Variants in FOXN2 observed in about 807,000 individuals in gnomAD.
The protein encoded by FOXN2 is forkhead box N2.
In FOXN2, 19 loss-of-function variants were observed where a neutral mutation model predicts 41.2. The ratio of observed to expected loss-of-function variants is 0.46; its 90% confidence interval spans 0.32 to 0.68. The LOEUF is 0.68. Among genes scored for constraint, FOXN2 ranks in the 30% least tolerant of loss-of-function variants. The probability of loss-of-function intolerance (pLI) is 0.03; values close to 1 mark genes in which losing one functional copy is unlikely to be tolerated. For synonymous variants in FOXN2, 195 were observed against 176.8 expected, an observed-to-expected ratio of 1.10 and a Z score of -0.82; for missense variants, 587 against 509.4, an observed-to-expected ratio of 1.15 and a Z score of -1.47.
chr2:48,342,544 TA>T (rs1189229336), intron 2 of FOXN2, among the ~76,000 whole-genome samples: 1 of 152,040 alleles, frequency 6.6e-6, no homozygotes, highest in African/African-American at 2.4e-5. Flanking sequence ...CAAAATTGTT[TA>T]TTTTATATTT....
At chr2:48,327,878 G>T (rs1669783207) in intron 1 of FOXN2, among the ~76,000 whole-genome samples, 1 of 151,980 alleles carries the variant, frequency 6.6e-6, no homozygotes, top group Non-Finnish European at 1.5e-5. Context: ...TTTTTGTTTT[G>T]TTTTTAGAAT....
chr2:48,355,377 GATAA>G (rs1261349495), intron 3 of FOXN2, among the ~76,000 whole-genome samples: 1 of 152,110 alleles, frequency 6.6e-6, no homozygotes, highest in Admixed American at 6.6e-5. Context: ...TTAAAAAAGG[GATAA>G]ATATAGAAAT....
intron 3 of FOXN2, among the ~76,000 whole-genome samples, chr2:48,353,313 C>A (rs1671571241): frequency 7.1e-6 from 1 of 140,548 alleles, no homozygotes; most frequent in Non-Finnish European, 1.6e-5. Flanking sequence ...TTTTGTTCCT[C>A]TATCTACACT....
At chr2:48,358,441 A>G (rs1044476970) in intron 3 of FOXN2, among the ~76,000 whole-genome samples, 5 of 152,326 alleles carry the variant, frequency 3.3e-5, no homozygotes, top group Admixed American at 6.5e-5. Flanking sequence ...GATTTGCCCA[A>G]TATCACATAG....
chr2:48,324,743 T>C (rs1427952736), intron 1 of FOXN2, among the ~76,000 whole-genome samples: 1 of 152,250 alleles, frequency 6.6e-6, no homozygotes, highest in East Asian at 1.9e-4. Flanking sequence ...TTAAGTATCT[T>C]ATAAAATAAC....
chr2:48,314,228 A>C (rs370366330), upstream of FOXN2, among the ~76,000 whole-genome samples: 1 of 152,236 alleles, frequency 6.6e-6, no homozygotes, highest in South Asian at 2.1e-4. Context: ...CGAGGGCCGT[A>C]CTGCCCTGCG....
intron 2 of FOXN2, among the ~76,000 whole-genome samples, chr2:48,330,104 G>C (rs1369742887): frequency 6.6e-6 from 1 of 151,940 alleles, no homozygotes; most frequent in East Asian, 1.9e-4. Flanking sequence ...AAATGAGGTA[G>C]TCTTCAGATT....
intron 3 of FOXN2, among the ~76,000 whole-genome samples, chr2:48,351,797 C>T (rs1328296279): frequency 6.6e-6 from 1 of 152,076 alleles, no homozygotes; most frequent in East Asian, 1.9e-4. Context: ...TACCGGTCTC[C>T]AGCTTGGGGG....
intron 1 of FOXN2, among the ~76,000 whole-genome samples, chr2:48,318,155 T>C (rs985276645): frequency 1.1e-4 from 17 of 152,214 alleles, no homozygotes; most frequent in Admixed American, 3.3e-4. Flanking sequence ...TTTCTCCTGT[T>C]CAATTTCCTA....
intron 5 of FOXN2, among the ~76,000 whole-genome samples, chr2:48,363,514 T>A (rs768992083): frequency 1.3e-5 from 2 of 152,192 alleles, no homozygotes; most frequent in African/African-American, 2.4e-5. Context: ...TACAGTAATA[T>A]CCTAGGCCTC....
At chr2:48,373,934 A>T (rs1163821391) in intron 6 of FOXN2, among the ~76,000 whole-genome samples, 2 of 152,046 alleles carry the variant, frequency 1.3e-5, no homozygotes, top group Non-Finnish European at 2.9e-5. Context: ...GCATGCCTGT[A>T]GTCCCAGCTA....
At chr2:48,322,693 T>C (rs933721277) in intron 1 of FOXN2, among the ~76,000 whole-genome samples, 1 of 150,014 alleles carries the variant, frequency 6.7e-6, no homozygotes, top group Non-Finnish European at 1.5e-5. Flanking sequence ...TCACCTCATG[T>C]CTGAGCTTTT....
chr2:48,323,875 A>G (rs950401662), intron 1 of FOXN2, among the ~76,000 whole-genome samples: 3 of 151,998 alleles, frequency 2.0e-5, no homozygotes, highest in African/African-American at 7.2e-5. Context: ...CTTACATTTA[A>G]GTCTTTTCTG....
chr2:48,325,410 T>G (rs188662871), intron 1 of FOXN2, among the ~76,000 whole-genome samples: 106 of 148,506 alleles, frequency 7.1e-4, no homozygotes, highest in African/African-American at 2.3e-3. Context: ...TCATTTTATG[T>G]GTGTGTGTGT....
intron 1 of FOXN2, among the ~76,000 whole-genome samples, chr2:48,320,750 T>C (rs573970789): frequency 2.6e-5 from 4 of 152,314 alleles, no homozygotes; most frequent in South Asian, 4.1e-4. Context: ...AAAATGAATA[T>C]TTGTTAGGAT....
At chr2:48,319,605 A>G (rs1158010226) in intron 1 of FOXN2, among the ~76,000 whole-genome samples, 2 of 145,762 alleles carry the variant, frequency 1.4e-5, no homozygotes, top group Non-Finnish European at 3.0e-5. Flanking sequence ...GAATTTTCAT[A>G]TATTTAAATT....
intron 3 of FOXN2, among the ~76,000 whole-genome samples, chr2:48,357,420 A>G (rs1671868925): frequency 6.6e-6 from 1 of 152,166 alleles, no homozygotes; most frequent in African/African-American, 2.4e-5. Context: ...TGTGTATGAA[A>G]AGTAATGCTG....
intron 1 of FOXN2, among the ~76,000 whole-genome samples, chr2:48,324,192 T>C (rs1340948325): frequency 1.5e-5 from 2 of 129,976 alleles, no homozygotes; most frequent in Non-Finnish European, 3.2e-5. Context: ...AATTGCTCAG[T>C]AATTTTTTTT....
chr2:48,373,862 C>T (rs891707965), intron 6 of FOXN2, among the ~76,000 whole-genome samples: 1 of 152,032 alleles, frequency 6.6e-6, no homozygotes, highest in Non-Finnish European at 1.5e-5. Flanking sequence ...CCAGATCAGC[C>T]TGGGCAACAT....
Sources: gnomAD v4.1 joint callset for allele counts (sites outside exome capture counted in the v4.1 genomes callset) on GRCh38, gnomAD v4.1.1 for gene constraint, MANE v1.5 for transcripts, NCBI Gene and HGNC (gene_info 2026-07-23, HGNC 2026-07-21) for gene names.